TTLL11: variants seen among roughly 807,000 people sequenced by gnomAD.
The protein encoded by TTLL11 is tubulin polyglutamylase TTLL11.
In TTLL11, 42 loss-of-function variants were observed where a neutral mutation model predicts 51.7. That is an observed-to-expected ratio of 0.81 (90% confidence interval 0.64 to 1.05). The LOEUF (loss-of-function observed/expected upper bound fraction) is 1.05. TTLL11 is among the 50% of genes least tolerant of loss of function. The probability of loss-of-function intolerance (pLI) is 0.00; values close to 1 mark genes in which losing one functional copy is unlikely to be tolerated. For missense variants in TTLL11, 799 were observed against 940.4 expected, an observed-to-expected ratio of 0.85 and a Z score of 1.97; for synonymous variants, 381 against 383.5, an observed-to-expected ratio of 0.99 and a Z score of 0.08.
rs535244895 is a variant in TTLL11 at position 121,989,327 on chromosome 9, G to A, written c.1137C>T (p.Gly379=). 5.0e-6 allele frequency: 8 copies of A among 1,614,162 alleles called. No homozygotes were observed. The highest frequency in any genetic ancestry group is 1.6e-4 in the Middle Eastern group (1 of 6,062). The change falls in exon 4 of 9, where the codon GGC becomes GGT. Residue 379 remains glycine, a synonymous_variant. Coordinates refer to ENST00000321582, the MANE Select transcript of TTLL11 (RefSeq NM_001139442.2). This position sits in a 1 kb window ranked among gnomAD's most constrained non-coding sequence, Gnocchi z 4.2. ...SSILCRLSSK[G]VDIKKVWSDI... ...CAGACCAGACCTTCTTGATGTCAACGCCTTTGGAAGACAGTCTACAAAGGA... is the reference window on the plus strand; with the variant it reads ...CAGACCAGACCTTCTTGATGTCAACACCTTTGGAAGACAGTCTACAAAGGA...
At chr9:122,083,182 C>T (rs1002776304) in intron 1 of TTLL11, among the ~76,000 whole-genome samples, 1 of 152,172 alleles carries the variant, frequency 6.6e-6, no homozygotes, top group Non-Finnish European at 1.5e-5. Context: ...GCGCATCCCC[C>T]ATCCCTCTGA....
At chr9:121,838,825 C>A (rs1837264530) in intron 8 of TTLL11, among the ~76,000 whole-genome samples, 1 of 151,576 alleles carries the variant, frequency 6.6e-6, no homozygotes, top group Non-Finnish European at 1.5e-5. Context: ...AGCAAGCAAG[C>A]AAAGATAGAT....
chr9:121,953,067 G>C (rs1438454513), intron 6 of TTLL11, among the ~76,000 whole-genome samples: 3 of 152,150 alleles, frequency 2.0e-5, no homozygotes, highest in African/African-American at 7.2e-5. Context: ...AATGTTGGCA[G>C]ATGTGTGATA....
chr9:122,022,904 G>A (rs1342128963), intron 3 of TTLL11, among the ~76,000 whole-genome samples: 2 of 151,808 alleles, frequency 1.3e-5, no homozygotes, highest in African/African-American at 2.4e-5. Context: ...GTGTTATAAG[G>A]TTCTCATACT....
chr9:121,994,636 A>G (rs1843203453), intron 3 of TTLL11, among the ~76,000 whole-genome samples: 1 of 152,216 alleles, frequency 6.6e-6, no homozygotes, highest in Admixed American at 6.5e-5. Context: ...AAGGGGATGG[A>G]GGAAGATCAG....
intron 1 of TTLL11, among the ~76,000 whole-genome samples, chr9:122,054,974 T>C (rs1321377518): frequency 1.3e-5 from 2 of 152,126 alleles, no homozygotes; most frequent in Non-Finnish European, 2.9e-5. Context: ...TCCAATTCAG[T>C]ACTTTCCCCA....
chr9:122,064,748 T>C (rs775005731), intron 1 of TTLL11, among the ~76,000 whole-genome samples: 4 of 152,162 alleles, frequency 2.6e-5, no homozygotes, highest in Admixed American at 1.3e-4. Flanking sequence ...AATGCTTTCC[T>C]GAAAGCTGAA....
chr9:121,915,990 TACACACACACAC>T lies in TTLL11; in HGVS notation c.1482-45254_1482-45243del, dbSNP rs59554930. Among the ~76,000 whole-genome samples, 306 of 134,322 alleles carry T rather than the reference TACACACACACAC, an allele frequency of 2.3e-3. 1 individual carries two copies. The highest frequency in any genetic ancestry group is 3.9e-3 in the African/African-American group (130 of 33,020). 88.1% of individuals were successfully genotyped at this position (134,322 alleles called of 152,430 possible). On this transcript the variant is annotated intron_variant, in intron 6 of 8. Coordinates refer to ENST00000321582, the MANE Select transcript of TTLL11 (RefSeq NM_001139442.2). ...GCATGTATAGACAAAGACACACACA[TACACACACACAC>T]ACACACACACACACACACACACACA...
intron 8 of TTLL11, among the ~76,000 whole-genome samples, chr9:121,854,955 C>T (rs1475514704): frequency 6.6e-6 from 1 of 152,100 alleles, no homozygotes; most frequent in African/African-American, 2.4e-5. Flanking sequence ...TTAACATTGG[C>T]ATGCTGGAGA....
At chr9:121,857,509 G>T (rs541666389) in intron 8 of TTLL11, among the ~76,000 whole-genome samples, 2 of 152,264 alleles carry the variant, frequency 1.3e-5, no homozygotes, top group South Asian at 2.1e-4. Context: ...CACCTCGAAG[G>T]CCTGGCGTGA....
intron 6 of TTLL11, among the ~76,000 whole-genome samples, chr9:121,897,245 G>A (rs904177253): frequency 6.6e-6 from 1 of 152,204 alleles, no homozygotes; most frequent in African/African-American, 2.4e-5. Context: ...TCCACTGGGT[G>A]CTTTTAGACC....
chr9:121,957,717 T>C (rs1842063201), intron 6 of TTLL11, among the ~76,000 whole-genome samples: 1 of 152,056 alleles, frequency 6.6e-6, no homozygotes, highest in East Asian at 1.9e-4. Context: ...GAAATTCCCC[T>C]CCTAGATGGC....
At chr9:121,828,981 G>A (rs935673858) in intron 8 of TTLL11, among the ~76,000 whole-genome samples, 3 of 149,422 alleles carry the variant, frequency 2.0e-5, no homozygotes, top group Admixed American at 6.6e-5. Flanking sequence ...TTTTTGAAAC[G>A]GAGTCTCGCT....
intron 6 of TTLL11, among the ~76,000 whole-genome samples, chr9:121,945,801 C>T (rs769404063): frequency 6.6e-6 from 1 of 152,138 alleles, no homozygotes; most frequent in Non-Finnish European, 1.5e-5. Context: ...ATAAATCCTG[C>T]CATGGGAACT....
At chr9:122,039,221 T>G (rs1185845548) in intron 2 of TTLL11, 51 bp downstream of exon 2, 1 of 1,476,478 alleles carries the variant, frequency 6.8e-7, no homozygotes. Flanking sequence ...AGAGTGTATC[T>G]GAGACTTGGC....
At chr9:121,941,485 T>C (rs1841467609) in intron 6 of TTLL11, among the ~76,000 whole-genome samples, 1 of 152,230 alleles carries the variant, frequency 6.6e-6, no homozygotes, top group African/African-American at 2.4e-5. Flanking sequence ...TGGACTTCTT[T>C]TCTTCTCCTG....
intron 1 of TTLL11, among the ~76,000 whole-genome samples, chr9:122,070,097 C>T (rs1241504983): frequency 3.9e-5 from 6 of 152,024 alleles, no homozygotes; most frequent in Non-Finnish European, 7.4e-5. Context: ...TTAAGCAAAT[C>T]ATTATCCCCC....
At chr9:122,015,819 AAAAAG>A (rs1261538701) in intron 3 of TTLL11, among the ~76,000 whole-genome samples, 48 of 152,066 alleles carry the variant, frequency 3.2e-4, no homozygotes, top group African/African-American at 1.1e-3. Flanking sequence ...AAAAAAAAAA[AAAAAG>A]AAAGAAAGTA....
chr9:121,963,216 A>T (rs1276948938), intron 6 of TTLL11, among the ~76,000 whole-genome samples: 1 of 152,198 alleles, frequency 6.6e-6, no homozygotes, highest in Non-Finnish European at 1.5e-5. Context: ...CACGGTCAGC[A>T]CCCAAGAAAC....
Sources: allele counts gnomAD v4.1 joint callset (sites outside exome capture counted in the v4.1 genomes callset), GRCh38; gene constraint gnomAD v4.1.1; non-coding constraint Gnocchi (gnomAD v3.1); transcripts MANE v1.5; gene names NCBI Gene and HGNC (gene_info 2026-07-23, HGNC 2026-07-21).